The following RFX3 variants were observed in gnomAD, a reference collection of about 807,000 sequenced individuals.
RFX3 encodes regulatory factor X3.
RFX3 carries 14 observed loss-of-function variants against 98.6 expected under a neutral mutation model. The observed-to-expected ratio is 0.14, with a 90% CI of 0.09 to 0.22. The LOEUF (loss-of-function observed/expected upper bound fraction) is 0.22, where lower values mean the gene tolerates loss of function less well. Ranked by LOEUF, RFX3 falls within the 10% of genes least tolerant of loss-of-function variation. The pLI is 1.00. For missense variants in RFX3, 639 were observed against 926.9 expected, an observed-to-expected ratio of 0.69 and a Z score of 4.03; for synonymous variants, 383 against 328.4, an observed-to-expected ratio of 1.17 and a Z score of -1.80.
chr9:3,403,173 AC>A (rs1841639251), intron 1 of RFX3, among the ~76,000 whole-genome samples: 1 of 152,074 alleles, frequency 6.6e-6, no homozygotes, highest in Non-Finnish European at 1.5e-5. Context: ...TTCCGCCTTC[AC>A]CCAGTACAAA....
chr9:3,385,472 A>C (rs1839607440), intron 2 of RFX3, among the ~76,000 whole-genome samples: 1 of 152,034 alleles, frequency 6.6e-6, no homozygotes, highest in South Asian at 2.1e-4. Flanking sequence ...GAACTTTCGG[A>C]GGCTGAGACG....
At chr9:3,480,423 G>T (rs1161686910) in intron 1 of RFX3, among the ~76,000 whole-genome samples, 1 of 152,182 alleles carries the variant, frequency 6.6e-6, no homozygotes, top group Non-Finnish European at 1.5e-5. Flanking sequence ...CCCAGACCTG[G>T]AAGAGCTTTA....
chr9:3,276,964 C>A (rs1024016347), intron 8 of RFX3, among the ~76,000 whole-genome samples: 2 of 151,854 alleles, frequency 1.3e-5, no homozygotes, highest in African/African-American at 4.8e-5. Flanking sequence ...TTTTTCTAAT[C>A]TGAGCCTGTG....
At chr9:3,367,787 A>C (rs1230841373) in intron 2 of RFX3, among the ~76,000 whole-genome samples, 1 of 152,208 alleles carries the variant, frequency 6.6e-6, no homozygotes, top group Non-Finnish European at 1.5e-5. Flanking sequence ...GGTGAAATAC[A>C]AGGATAATTC....
intron 6 of RFX3, among the ~76,000 whole-genome samples, chr9:3,291,097 G>A (rs1345711773): frequency 6.6e-6 from 1 of 152,178 alleles, no homozygotes; most frequent in Non-Finnish European, 1.5e-5. Flanking sequence ...GGGTGCGGTG[G>A]CTCACGCCTA....
chr9:3,505,231 A>ATTT (rs1312287803), intron 1 of RFX3, among the ~76,000 whole-genome samples: 14 of 68,526 alleles, frequency 2.0e-4, no homozygotes, highest in African/African-American at 1.5e-3. Context: ...TTTATATATG[A>ATTT]ATATATATTT....
In RFX3 at chr9:3,356,963, G is replaced by GCACACACA. The variant is rs199897465; in HGVS notation, c.118-10207_118-10200dup. Among the ~76,000 whole-genome samples, 159 of 140,920 alleles carry GCACACACA rather than the reference G, an allele frequency of 1.1e-3. 1 individual carries two copies. The highest frequency in any genetic ancestry group is 3.9e-3 in the African/African-American group (138 of 35,524). 92.4% of individuals were successfully genotyped at this position (140,920 alleles called of 152,430 possible). On this transcript the variant is annotated intron_variant, in intron 2 of 16. Coordinates refer to ENST00000617270, the MANE Select transcript of RFX3 (RefSeq NM_001282116.2). ...TAAACACACACACACATACACACAT[G>GCACACACA]CACACACACGCACACACACACACAC...
intron 2 of RFX3, among the ~76,000 whole-genome samples, chr9:3,374,482 A>T (rs924288341): frequency 3.3e-5 from 5 of 152,210 alleles, no homozygotes; most frequent in Non-Finnish European, 7.3e-5. Context: ...AGGGAAGATG[A>T]ATGAATAAAC....
chr9:3,474,308 G>T (rs1047527395), intron 1 of RFX3, among the ~76,000 whole-genome samples: 7 of 152,156 alleles, frequency 4.6e-5, no homozygotes, highest in African/African-American at 1.7e-4. Flanking sequence ...TTAGTGAGAA[G>T]TATGCAGCAC....
At chr9:3,289,270 C>T (rs889864601) in intron 6 of RFX3, among the ~76,000 whole-genome samples, 1 of 151,684 alleles carries the variant, frequency 6.6e-6, no homozygotes, top group Admixed American at 6.6e-5. Flanking sequence ...TTAAATGAAC[C>T]TTATATATAT....
In RFX3 at chr9:3,430,197, A is replaced by C. The variant is rs1421231591; in HGVS notation, c.-8-34601T>G. The stretch of plus-strand genomic sequence containing the variant: ...ACTTTCAAAAGAAATCTTACATGTA[A>C]ATCTAATACTCAGGATAATTAATAG... On this transcript the variant is annotated intron_variant, in intron 1 of 16. Transcript: ENST00000617270. Among the ~76,000 whole-genome samples the C allele has an allele frequency of 2.0e-5, 3 of 152,192 alleles. No individual in the cohort carries two copies. The East Asian group carries it at 5.8e-4, about 29-fold the overall frequency.
rs1334814966 is a variant in RFX3, at chr9:3,395,056, G to A, written c.117+416C>T. On this transcript the variant is annotated intron_variant, in intron 2 of 16. Coordinates refer to ENST00000617270, the MANE Select transcript of RFX3 (RefSeq NM_001282116.2). The stretch of plus-strand genomic sequence containing the variant: ...TACCACAAAGGCAAAATCCCTGCCT[G>A]GAAGGTGCATGCATCCTATTAAGTA... Among the ~76,000 whole-genome samples, 12 of 152,112 alleles carry A rather than the reference G, an allele frequency of 7.9e-5. No homozygotes were observed. In the South Asian group the frequency reaches 1.0e-3, roughly 13 times the overall value.
intron 1 of RFX3, among the ~76,000 whole-genome samples, chr9:3,491,138 T>C (rs551770986): frequency 6.6e-5 from 10 of 152,170 alleles, no homozygotes; most frequent in African/African-American, 2.2e-4. Context: ...CCATTAGACA[T>C]AGAAAAGTAA....
intron 1 of RFX3, among the ~76,000 whole-genome samples, chr9:3,418,180 C>T (rs1434596437): frequency 1.3e-5 from 2 of 152,120 alleles, no homozygotes; most frequent in African/African-American, 4.8e-5. Context: ...ACTTAAGTAG[C>T]AATGCCTTAG....
intron 1 of RFX3, among the ~76,000 whole-genome samples, chr9:3,508,574 G>C (rs1262170033): frequency 3.3e-5 from 5 of 151,874 alleles, no homozygotes; most frequent in Non-Finnish European, 5.9e-5. Context: ...AAATGCAAGA[G>C]CTAACTAATA....
intron 15 of RFX3, among the ~76,000 whole-genome samples, chr9:3,243,692 C>T (rs667646): frequency 0.99 from 150,164 of 152,330 alleles, 74,051 homozygotes; most frequent in Middle Eastern, 1. Context: ...CTTAAGTCAC[C>T]TTAAAAGGAA....
intron 2 of RFX3, among the ~76,000 whole-genome samples, chr9:3,362,209 G>A (rs957640152): frequency 6.6e-6 from 1 of 152,154 alleles, no homozygotes; most frequent in African/African-American, 2.4e-5. Flanking sequence ...GGACTTCCTT[G>A]CATATTCAAT....
At chr9:3,284,607 G>C (rs986010418) in intron 7 of RFX3, among the ~76,000 whole-genome samples, 86 of 151,550 alleles carry the variant, frequency 5.7e-4, no homozygotes, top group African/African-American at 2.1e-3. Context: ...TTAGTCATTA[G>C]AGTGATATTT....
chr9:3,462,388 GA>G (rs1442482317), intron 1 of RFX3, among the ~76,000 whole-genome samples: 6 of 151,902 alleles, frequency 3.9e-5, no homozygotes, highest in Non-Finnish European at 8.8e-5. Context: ...CAATTGAAGA[GA>G]ATTTCCTCAG....
Sources: allele counts gnomAD v4.1 joint callset (sites outside exome capture counted in the v4.1 genomes callset), GRCh38; gene constraint gnomAD v4.1.1; transcripts MANE v1.5; gene names NCBI Gene and HGNC (gene_info 2026-07-23, HGNC 2026-07-21).